Variants in TGFA observed in about 807,000 individuals in gnomAD.
TGFA encodes transforming growth factor alpha.
A neutral mutation model predicts 21.7 loss-of-function variants in TGFA; 12 were observed. The ratio of observed to expected loss-of-function variants is 0.55; its 90% CI spans 0.35 to 0.90. The LOEUF (loss-of-function observed/expected upper bound fraction) is 0.90, where lower values mean the gene tolerates loss of function less well. Ranked by LOEUF, TGFA falls within the 40% of genes least tolerant of loss-of-function variation. TGFA has a pLI of 0.01. For synonymous variants in TGFA, 79 were observed against 88.1 expected, an observed-to-expected ratio of 0.90 and a Z score of 0.58; for missense variants, 178 against 210.8, an observed-to-expected ratio of 0.84 and a Z score of 0.96.
chr2:70,460,343 A>G (rs1299206409), intron 3 of TGFA, among the ~76,000 whole-genome samples: 2 of 150,548 alleles, frequency 1.3e-5, no homozygotes, highest in Non-Finnish European at 2.9e-5. Flanking sequence ...GCTGCTCTTT[A>G]TGACGGAAAA....
chr2:70,465,260 A>G (rs1670519449), intron 3 of TGFA, among the ~76,000 whole-genome samples: 1 of 152,240 alleles, frequency 6.6e-6, no homozygotes, highest in Non-Finnish European at 1.5e-5. Context: ...AAAGTTATCC[A>G]TCCCAGTGCC....
At chr2:70,466,752 A>G (rs541350432) in intron 2 of TGFA, among the ~76,000 whole-genome samples, 31 of 152,322 alleles carry the variant, frequency 2.0e-4, no homozygotes, top group African/African-American at 4.6e-4. Context: ...TGGCAGGCCT[A>G]TTCACAATGG....
At chr2:70,521,097 T>TA (rs534574454) in intron 1 of TGFA, among the ~76,000 whole-genome samples, 8,281 of 148,500 alleles carry the variant, frequency 0.056, 755 homozygotes, top group African/African-American at 0.19. Context: ...GCCAACAGCT[T>TA]AAAAAAAAAA....
chr2:70,448,826 C>T lies in TGFA; in HGVS notation c.*2033G>A, dbSNP rs1368199094. ...AGGTGTGACTTGCTGGACCTAGGAA[C>T]TAGAACATTCACAGACACTAAATCT... On this transcript the variant is annotated 3_prime_UTR_variant, in exon 6 of 6. Coordinates refer to ENST00000295400, the MANE Select transcript of TGFA (RefSeq NM_003236.4). 2 of 152,276 alleles carry T rather than the reference C, an allele frequency of 1.3e-5. No homozygotes were observed. Among genetic ancestry groups the T allele is most frequent in the Non-Finnish European group, 2.9e-5 (2 of 68,090 alleles). 9.4% of individuals were successfully genotyped at this position (152,276 alleles called of 1,614,324 possible). A position where few individuals can be genotyped will look rare whatever the true frequency, so the allele number is the denominator to read the frequency against.
intron 2 of TGFA, among the ~76,000 whole-genome samples, chr2:70,507,404 T>A (rs1276838537): frequency 1.1e-4 from 17 of 152,254 alleles, no homozygotes; most frequent in African/African-American, 4.1e-4. Flanking sequence ...TAAGTTCGAG[T>A]TACATCATCC....
intron 1 of TGFA, among the ~76,000 whole-genome samples, chr2:70,549,815 T>G (rs1172587016): frequency 1.3e-5 from 2 of 152,204 alleles, no homozygotes; most frequent in Non-Finnish European, 2.9e-5. Context: ...AAAGTCCCCT[T>G]TGCAGGGGAC....
At chr2:70,458,029 TGA>T (rs2103674616) in intron 3 of TGFA, among the ~76,000 whole-genome samples, 1 of 152,322 alleles carries the variant, frequency 6.6e-6, no homozygotes, top group African/African-American at 2.4e-5. Flanking sequence ...CTAGGCACAC[TGA>T]GAGGGGATCA....
chr2:70,523,340 T>A (rs1645687672), intron 1 of TGFA, among the ~76,000 whole-genome samples: 1 of 152,174 alleles, frequency 6.6e-6, no homozygotes. Flanking sequence ...GAATGTTGTG[T>A]CCCAGGGCTC....
chr2:70,516,903 G>C (rs1380882701), intron 1 of TGFA, among the ~76,000 whole-genome samples: 1 of 152,210 alleles, frequency 6.6e-6, no homozygotes, highest in South Asian at 2.1e-4. Context: ...TTCATGCCCT[G>C]TTCCTGCTCC....
At chr2:70,539,367 G>A (rs1673066137) in intron 1 of TGFA, among the ~76,000 whole-genome samples, 1 of 150,174 alleles carries the variant, frequency 6.7e-6, no homozygotes, top group Non-Finnish European at 1.5e-5. Context: ...CTCTAGTCTG[G>A]GAACACAGCC....
In TGFA at chr2:70,547,106, G is replaced by C. The variant is rs80103570; in HGVS notation, c.40+6622C>G. On this transcript the variant is annotated intron_variant, in intron 1 of 5. Coordinates refer to ENST00000295400, the MANE Select transcript of TGFA (RefSeq NM_003236.4). ...AAGTTATGCCCACTTAAAATTTGTA[G>C]CTATTGCCACGCTGACTTTTAAAAA... Among the ~76,000 whole-genome samples, 1,431 of 152,208 alleles carry C rather than the reference G, an allele frequency of 9.4e-3. 19 individuals are homozygous for C. Among genetic ancestry groups the C allele is most frequent in the African/African-American group, 0.032 (1,323 of 41,514 alleles).
At chr2:70,512,798 G>C (rs1672142833) in intron 2 of TGFA, among the ~76,000 whole-genome samples, 1 of 152,172 alleles carries the variant, frequency 6.6e-6, no homozygotes, top group South Asian at 2.1e-4. Context: ...ACTTGGAGGA[G>C]GGGGTCAAAT....
In TGFA at chr2:70,550,177, CCTTA is replaced by C. The variant is rs1413217288; in HGVS notation, c.40+3547_40+3550del. Among the ~76,000 whole-genome samples the C allele has an allele frequency of 5.3e-5, 8 of 152,320 alleles. No individual in the cohort carries two copies. In the South Asian group the frequency reaches 1.2e-3, roughly 24 times the overall value. On this transcript the variant is annotated intron_variant, in intron 1 of 5. Coordinates refer to ENST00000295400, the MANE Select transcript of TGFA (RefSeq NM_003236.4). ...ATCATTCTTTAGGTCCACATTCGGT[CCTTA>C]CTTACGGGAGTTGCCATAAAAATAA...
In TGFA at chr2:70,526,186, C is replaced by T. The variant is rs181495498; in HGVS notation, c.41-11274G>A. On this transcript the variant is annotated intron_variant, in intron 1 of 5. Coordinates refer to ENST00000295400, the MANE Select transcript of TGFA (RefSeq NM_003236.4). The stretch of plus-strand genomic sequence containing the variant: ...TTTCCTGTCAGCTCTTCCCTCTATT[C>T]TCCAGGTCATCAGCCTGTGCCTGTC... Among the ~76,000 whole-genome samples, 4 of 152,314 alleles carry T rather than the reference C, an allele frequency of 2.6e-5. No homozygotes were observed. The East Asian group carries it at 7.7e-4, about 29-fold the overall frequency.
intron 1 of TGFA, among the ~76,000 whole-genome samples, chr2:70,542,065 T>C (rs1673147896): frequency 6.6e-6 from 1 of 152,178 alleles, no homozygotes; most frequent in South Asian, 2.1e-4. Context: ...GGACAGGTTA[T>C]GGCCACCATA....
chr2:70,536,109 G>A (rs989357490), intron 1 of TGFA, among the ~76,000 whole-genome samples: 21 of 152,162 alleles, frequency 1.4e-4, no homozygotes, highest in African/African-American at 5.1e-4. Flanking sequence ...TCAACTACAG[G>A]TATCACATGA....
At chr2:70,521,609 G>GTTGTTTTTTTTTTTT (rs1432347684) in intron 1 of TGFA, among the ~76,000 whole-genome samples, 7 of 78,874 alleles carry the variant, frequency 8.9e-5, no homozygotes, top group African/African-American at 5.0e-5. Flanking sequence ...TTTTGTTGTT[G>GTTGTTTTTTTTTTTT]TTTGTTTGTT....
At chr2:70,485,518 T>C (rs1671247807) in intron 2 of TGFA, among the ~76,000 whole-genome samples, 1 of 152,114 alleles carries the variant, frequency 6.6e-6, no homozygotes, top group South Asian at 2.1e-4. Context: ...CAGTCCCTTT[T>C]AGTGTTTTAT....
chr2:70,451,879 T>G, intron 5 of TGFA: 4 of 636,586 alleles, frequency 6.3e-6, no homozygotes, highest in Non-Finnish European at 1.1e-5. Context: ...ACATCGCTCA[T>G]GAGCCATCCT....
Sources: allele counts gnomAD v4.1 joint callset (sites outside exome capture counted in the v4.1 genomes callset), GRCh38; gene constraint gnomAD v4.1.1; transcripts MANE v1.5; gene names NCBI Gene and HGNC (gene_info 2026-07-23, HGNC 2026-07-21).